Variants in PIP5K1B observed in about 807,000 individuals in gnomAD.
PIP5K1B encodes the protein phosphatidylinositol 4-phosphate 5-kinase type-1 beta.
A neutral mutation model predicts 67.0 loss-of-function variants in PIP5K1B; 42 were observed. The observed-to-expected ratio is 0.63, with a 90% CI of 0.49 to 0.81. The LOEUF is 0.81. PIP5K1B is among the 30% of genes least tolerant of loss of function. PIP5K1B has a pLI of 0.00. For missense variants in PIP5K1B, 459 were observed against 646.3 expected (o/e 0.71, Z 3.14); for synonymous variants, 214 against 231.4 (o/e 0.92, Z 0.68).
intron 2 of PIP5K1B, among the ~76,000 whole-genome samples, chr9:68,769,577 A>C (rs1277528751): frequency 6.6e-6 from 1 of 152,246 alleles, no homozygotes; most frequent in Non-Finnish European, 1.5e-5. Flanking sequence ...AGATTTGGCT[A>C]ATCTAAAACT....
chr9:68,987,734 T>A (rs1356036540), intron 14 of PIP5K1B, among the ~76,000 whole-genome samples: 1 of 152,066 alleles, frequency 6.6e-6, no homozygotes, highest in East Asian at 1.9e-4. Flanking sequence ...GGTGGAAGGC[T>A]AAAGGCACTT....
chr9:68,724,778 C>T (rs1234649991), intron 1 of PIP5K1B, among the ~76,000 whole-genome samples: 5 of 152,050 alleles, frequency 3.3e-5, no homozygotes, highest in Non-Finnish European at 5.9e-5. Flanking sequence ...TTATTTTGAA[C>T]GTAACCCTTG....
At chr9:68,882,257 G>A (rs1824234646) in intron 6 of PIP5K1B, among the ~76,000 whole-genome samples, 1 of 152,176 alleles carries the variant, frequency 6.6e-6, no homozygotes. Flanking sequence ...TGCAAAGAAG[G>A]TGGCTTAGAA....
intron 13 of PIP5K1B, 54 bp from the exon 14 acceptor site, chr9:68,940,592 A>G: frequency 1.9e-6 from 3 of 1,553,106 alleles, no homozygotes; most frequent in Admixed American, 3.5e-5. Context: ...TATAGATACT[A>G]AAGCTGCATT....
intron 8 of PIP5K1B, among the ~76,000 whole-genome samples, chr9:68,907,063 C>A (rs1825650707): frequency 6.6e-6 from 1 of 152,232 alleles, no homozygotes; most frequent in Admixed American, 6.5e-5. Flanking sequence ...TCTATGAATC[C>A]TTTTCCCTAC....
At chr9:68,769,556 T>C (rs996401467) in intron 2 of PIP5K1B, among the ~76,000 whole-genome samples, 1 of 152,192 alleles carries the variant, frequency 6.6e-6, no homozygotes, top group African/African-American at 2.4e-5. Context: ...AAAAGAACAA[T>C]GTAATTCCCC....
chr9:68,987,280 G>A (rs1027772921), intron 14 of PIP5K1B, among the ~76,000 whole-genome samples: 2 of 151,450 alleles, frequency 1.3e-5, no homozygotes, highest in Non-Finnish European at 1.5e-5. Context: ...AATTAATGTT[G>A]GGGCCAGGCG....
intron 5 of PIP5K1B, among the ~76,000 whole-genome samples, chr9:68,872,134 G>C (rs576000465): frequency 1.3e-5 from 2 of 152,342 alleles, no homozygotes; most frequent in South Asian, 4.1e-4. Flanking sequence ...TTCTGCCATG[G>C]TGGAAGTTGC....
chr9:68,954,662 C>T (rs1289429026), intron 14 of PIP5K1B, among the ~76,000 whole-genome samples: 4 of 152,180 alleles, frequency 2.6e-5, no homozygotes, highest in Non-Finnish European at 5.9e-5. Flanking sequence ...ATGAGGACTT[C>T]CCAATGCCAA....
intron 14 of PIP5K1B, among the ~76,000 whole-genome samples, chr9:68,952,790 CCTGCCTGT>C (rs1162789387): frequency 2.0e-5 from 3 of 151,542 alleles, no homozygotes; most frequent in Non-Finnish European, 2.9e-5. Context: ...GCTTTCTTTG[CCTGCCTGT>C]CTGCCTGTCT....
At chr9:68,738,921 G>A (rs1197606422) in intron 1 of PIP5K1B, among the ~76,000 whole-genome samples, 1 of 151,862 alleles carries the variant, frequency 6.6e-6, no homozygotes, top group Non-Finnish European at 1.5e-5. Flanking sequence ...TTTGGGCTCA[G>A]GCCCATGCCT....
chr9:68,713,868 T>G (rs1210103897), intron 1 of PIP5K1B, among the ~76,000 whole-genome samples: 1 of 152,192 alleles, frequency 6.6e-6, no homozygotes, highest in Non-Finnish European at 1.5e-5. Flanking sequence ...CAAGTGCTGT[T>G]TCTTTTCATC....
rs780423830 is a variant in PIP5K1B at position 68,957,835 on chromosome 9, A to G, written c.1502+17045A>G. Among the ~76,000 whole-genome samples, 166 of 151,822 alleles carry G rather than the reference A, an allele frequency of 1.1e-3. 1 individual carries two copies. The highest frequency in any genetic ancestry group is 3.4e-3 in the Middle Eastern group (1 of 292). ...CAGGGAAGAAGGGTGAGAGAAGGTC[A>G]GAGAGTGACCTTCCTAGGTTTATTA... On this transcript the variant is annotated intron_variant, in intron 14 of 15. Coordinates refer to ENST00000265382, the MANE Select transcript of PIP5K1B (RefSeq NM_003558.4).
intron 4 of PIP5K1B, among the ~76,000 whole-genome samples, chr9:68,846,382 A>T (rs558877553): frequency 2.9e-4 from 44 of 152,288 alleles, no homozygotes; most frequent in Admixed American, 9.8e-4. Flanking sequence ...TAAAGGAGGG[A>T]TGTCTTCACC....
chr9:68,923,152 C>G, intron 11 of PIP5K1B, 150 bp from the exon 12 acceptor site: 1 of 608,424 alleles, frequency 1.6e-6, no homozygotes, highest in Non-Finnish European at 2.9e-6. Flanking sequence ...TCCTGGGCCC[C>G]ACGGGCTACA....
rs761483655 is a variant in PIP5K1B, at chr9:68,780,459, C to A, written c.-86+37802C>A. On this transcript the variant is annotated intron_variant, in intron 2 of 15. Transcript: ENST00000265382. The stretch of plus-strand genomic sequence containing the variant: ...AGAAGAGGGCATGGACTTGATCAAC[C>A]GAGAGACGGTCCACGAACGGGAGGT... 8.1e-6 allele frequency: 13 copies of A among 1,614,110 alleles called. No individual in the cohort carries two copies. In the South Asian group the frequency reaches 1.3e-4, roughly 16 times the overall value.
intron 2 of PIP5K1B, among the ~76,000 whole-genome samples, chr9:68,794,279 A>G (rs188190312): frequency 6.6e-6 from 1 of 152,234 alleles, no homozygotes; most frequent in Admixed American, 6.5e-5. Context: ...GCGAAAGGTC[A>G]TCTTCCTCCC....
At chr9:68,929,656 TTTTTTGTTTTTG>T (rs543374560) in intron 12 of PIP5K1B, among the ~76,000 whole-genome samples, 6 of 150,764 alleles carry the variant, frequency 4.0e-5, no homozygotes, top group African/African-American at 4.8e-5. Context: ...ACTTTCAGTT[TTTTTTGTTTTTG>T]TTTTTGTTTT....
intron 1 of PIP5K1B, among the ~76,000 whole-genome samples, chr9:68,711,800 T>A (rs1049394565): frequency 6.6e-6 from 1 of 152,206 alleles, no homozygotes; most frequent in Admixed American, 6.5e-5. Context: ...CTGTTTTTAT[T>A]TGAAAGTATT....
Sources: allele counts gnomAD v4.1 joint callset (sites outside exome capture counted in the v4.1 genomes callset), GRCh38; gene constraint gnomAD v4.1.1; transcripts MANE v1.5; gene names NCBI Gene and HGNC (gene_info 2026-07-23, HGNC 2026-07-21).